DOCK1: variants seen among roughly 807,000 people sequenced by gnomAD.
The protein encoded by DOCK1 is dedicator of cytokinesis protein 1.
A neutral mutation model predicts 262.7 loss-of-function variants in DOCK1; 138 were observed. The observed-to-expected ratio is 0.53, with a 90% CI of 0.46 to 0.61. DOCK1 has a LOEUF of 0.61. Among genes scored for constraint, DOCK1 ranks in the 20% least tolerant of loss-of-function variants. The pLI, the probability that DOCK1 is intolerant of heterozygous loss-of-function variation, is 0.00. For synonymous variants in DOCK1, 866 were observed against 867.4 expected, an observed-to-expected ratio of 1.00 and a Z score of 0.03; for missense variants, 1,908 against 2,370.7, an observed-to-expected ratio of 0.80 and a Z score of 4.05.
intron 27 of DOCK1, among the ~76,000 whole-genome samples, chr10:127,182,148 G>A (rs1353107478): frequency 6.6e-6 from 1 of 152,142 alleles, no homozygotes; most frequent in African/African-American, 2.4e-5. Flanking sequence ...GAATATTGCA[G>A]TGAAACCTCT....
At chr10:126,930,099 C>T (rs1248860152) in intron 1 of DOCK1, among the ~76,000 whole-genome samples, 5 of 152,194 alleles carry the variant, frequency 3.3e-5, no homozygotes, top group Non-Finnish European at 7.3e-5. Flanking sequence ...GTCCATTTAG[C>T]GTGCTTATCC....
chr10:127,178,721 G>A (rs774515577), intron 27 of DOCK1, among the ~76,000 whole-genome samples: 2 of 152,188 alleles, frequency 1.3e-5, no homozygotes, highest in Non-Finnish European at 2.9e-5. Flanking sequence ...TTAGAGAGGA[G>A]AGAAAAGGCA....
intron 28 of DOCK1, among the ~76,000 whole-genome samples, chr10:127,253,937 C>T (rs950277200): frequency 1.3e-5 from 2 of 150,192 alleles, no homozygotes; most frequent in Non-Finnish European, 3.0e-5. Context: ...GTTGAAAGCA[C>T]GTTGGCATAT....
At chr10:127,101,379 C>T (rs969744358) in intron 23 of DOCK1, among the ~76,000 whole-genome samples, 5 of 152,128 alleles carry the variant, frequency 3.3e-5, no homozygotes, top group Non-Finnish European at 7.4e-5. Flanking sequence ...TTCTGAATTC[C>T]GTTCTCTCTG....
At chr10:126,964,317 C>A (rs1209991513) in intron 1 of DOCK1, among the ~76,000 whole-genome samples, 1 of 152,196 alleles carries the variant, frequency 6.6e-6, no homozygotes, top group Non-Finnish European at 1.5e-5. Flanking sequence ...TCTCTCCAAG[C>A]CCAGCTCAGT....
rs2048204864 is a variant in DOCK1 at position 127,100,957 on chromosome 10, G to T, written c.2446-5274G>T. Among the ~76,000 whole-genome samples the T allele has an allele frequency of 6.6e-6, 1 of 152,080 alleles. No individual in the cohort carries two copies. Among genetic ancestry groups the T allele is most frequent in the African/African-American group, 2.4e-5 (1 of 41,418 alleles). On this transcript the variant is annotated intron_variant, in intron 23 of 51. Transcript: ENST00000623213. This position sits in a 1 kb window ranked among gnomAD's most constrained non-coding sequence, Gnocchi z 5.5. ...CTGGGGCTGCTTTTCCGGGTGAGAG[G>T]CTGGTGTGGGCTTCATGATAGAAAG... is the stretch of plus-strand genomic sequence containing the variant.
intron 18 of DOCK1, among the ~76,000 whole-genome samples, chr10:127,037,264 A>G (rs899304466): frequency 6.6e-6 from 1 of 152,158 alleles, no homozygotes; most frequent in Non-Finnish European, 1.5e-5. Flanking sequence ...TTAACCTTGC[A>G]GTCTCAGTAC....
At chr10:127,095,810 A>G (rs965820239) in intron 23 of DOCK1, among the ~76,000 whole-genome samples, 3 of 152,194 alleles carry the variant, frequency 2.0e-5, no homozygotes, top group East Asian at 3.8e-4. Flanking sequence ...ATATGCTTCA[A>G]GGAAGGCATA....
rs1004876591 is a variant in DOCK1 at position 127,175,612 on chromosome 10, T to A, written c.2847+47848T>A. 1 of 1,612,870 alleles carries A rather than the reference T, an allele frequency of 6.2e-7. No homozygotes were observed. The highest frequency in any genetic ancestry group is 1.3e-5 in the African/African-American group (1 of 74,926). On this transcript the variant is annotated intron_variant, in intron 27 of 51. Coordinates refer to ENST00000623213, the MANE Select transcript of DOCK1 (RefSeq NM_001290223.2). The surrounding 1 kb of genome is among the most constrained non-coding windows in gnomAD (Gnocchi z 6.3). Reference sequence around the variant, plus strand: ...AAACCAGGCTCGGGGGCCCTGGCACTGAGGGCAGGTGCGTAAACGGTGGCA... The same window carrying A: ...AAACCAGGCTCGGGGGCCCTGGCACAGAGGGCAGGTGCGTAAACGGTGGCA...
At chr10:127,054,367 G>A (rs1372011312) in intron 22 of DOCK1, among the ~76,000 whole-genome samples, 2 of 152,242 alleles carry the variant, frequency 1.3e-5, no homozygotes, top group South Asian at 2.1e-4. Flanking sequence ...CACAGTCCTC[G>A]TGCTGCCATT....
intron 27 of DOCK1, among the ~76,000 whole-genome samples, chr10:127,170,894 T>A (rs1243610264): frequency 6.6e-6 from 1 of 152,206 alleles, no homozygotes; most frequent in Non-Finnish European, 1.5e-5. Flanking sequence ...CCGCACTGCA[T>A]AAAGCAGAGT....
chr10:127,037,889 G>A, intron 19 of DOCK1, 73 bp downstream of exon 19: 1 of 1,184,912 alleles, frequency 8.4e-7, no homozygotes, highest in Non-Finnish European at 1.2e-6. Flanking sequence ...ACAGAAGTAG[G>A]CAGTGACTTC....
chr10:127,113,782 C>T lies in DOCK1; in HGVS notation c.2623+3428C>T, dbSNP rs573219321. Among the ~76,000 whole-genome samples the T allele has an allele frequency of 1.6e-4, 25 of 152,252 alleles. No homozygotes were observed. In the South Asian group the frequency reaches 3.7e-3, roughly 23 times the overall value. On this transcript the variant is annotated intron_variant, in intron 25 of 51. Transcript: ENST00000623213. ...TGAGGACACCAGGCCTGCGTCACTG[C>T]GGCCATTTGCTCACAGAGCATTCAG...
At chr10:126,907,139 CG>C (rs71032528) in intron 1 of DOCK1, among the ~76,000 whole-genome samples, 150,824 of 152,160 alleles carry the variant, frequency 0.99, 74,774 homozygotes, top group East Asian at 1. Flanking sequence ...GCGAGAGGTT[CG>C]GGGTGGATAT....
rs36056116 is a variant in DOCK1 at position 127,405,441 on chromosome 10, C to CTTT, written c.4122+1027_4122+1029dup. On this transcript the variant is annotated intron_variant, in intron 40 of 51. Coordinates refer to ENST00000623213, the MANE Select transcript of DOCK1 (RefSeq NM_001290223.2). Reference sequence around the variant, plus strand: ...CATGATTTCCTGATATTTCTTATGACTTTTTTTTTTTTTTTTTGGACACTT... The same window carrying CTTT: ...CATGATTTCCTGATATTTCTTATGACTTTTTTTTTTTTTTTTTTTTGGACACTT... Among the ~76,000 whole-genome samples, 746 of 134,092 alleles carry CTTT rather than the reference C, an allele frequency of 5.6e-3. 6 individuals are homozygous for CTTT. Among genetic ancestry groups the CTTT allele is most frequent in the Non-Finnish European group, 7.2e-3 (457 of 63,582 alleles). 88.0% of individuals were successfully genotyped at this position (134,092 alleles called of 152,430 possible). A position where few individuals can be genotyped will look rare whatever the true frequency, so the allele number is the denominator to read the frequency against.
intron 12 of DOCK1, chr10:127,016,668 C>G (rs1591661280): frequency 6.7e-6 from 1 of 148,624 alleles, no homozygotes; most frequent in Non-Finnish European, 1.5e-5. Flanking sequence ...CACACACATG[C>G]ACACATACAC....
chr10:127,094,486 G>T (rs560013973), intron 23 of DOCK1, among the ~76,000 whole-genome samples: 11 of 152,144 alleles, frequency 7.2e-5, no homozygotes, highest in Non-Finnish European at 1.0e-4. Context: ...GAGTGTCTGT[G>T]TACCCTGGCC....
intron 31 of DOCK1, among the ~76,000 whole-genome samples, chr10:127,345,767 C>T (rs1283513296): frequency 6.6e-6 from 1 of 152,178 alleles, no homozygotes; most frequent in East Asian, 1.9e-4. Context: ...CTCCAGGCTG[C>T]ATCTTCTGGA....
intron 1 of DOCK1, among the ~76,000 whole-genome samples, chr10:126,952,338 G>A (rs1317473229): frequency 8.0e-6 from 1 of 124,760 alleles, no homozygotes; most frequent in African/African-American, 2.9e-5. Context: ...TGTATTGTTG[G>A]TGATGGTGGT....
Sources: allele counts gnomAD v4.1 joint callset (sites outside exome capture counted in the v4.1 genomes callset), GRCh38; gene constraint gnomAD v4.1.1; non-coding constraint Gnocchi (gnomAD v3.1); transcripts MANE v1.5; gene names NCBI Gene and HGNC (gene_info 2026-07-23, HGNC 2026-07-21).